Variants in TEX38 observed in about 807,000 individuals in gnomAD.
TEX38 encodes the protein testis-expressed protein 38.
Under a neutral mutation model 2.7 loss-of-function variants are expected in TEX38, and 5 were observed. The ratio of observed to expected loss-of-function variants is 1.86; its 90% CI spans 0.97 to 3.90. The LOEUF (loss-of-function observed/expected upper bound fraction) is 3.90. Among genes scored for constraint, TEX38 ranks in the 30% most tolerant of loss-of-function variants. TEX38 has a pLI of 0.00. For synonymous variants in TEX38, 110 were observed against 103.3 expected (o/e 1.06, Z -0.39); for missense variants, 218 against 247.9 (o/e 0.88, Z 0.81).
chr1:46,673,033 G>A lies in TEX38; in HGVS notation c.198G>A (p.Leu66=). The A allele has an allele frequency of 1.3e-6, 2 of 1,551,716 alleles. No individual in the cohort carries two copies. The highest frequency in any genetic ancestry group is 2.4e-5 in the South Asian group (2 of 84,058). Residue 66 remains leucine, a synonymous_variant, in exon 2 of 2, where the codon TTG becomes TTA. Coordinates refer to ENST00000334122, the MANE Select transcript of TEX38 (RefSeq NM_001145474.4). ...CCACATTCACCTACAGCCCATTGTT[G>A]TACTGGATTAACAAGCGACGGCGCT... ...RAATFTYSPL[L]YWINKRRRYG...
chr1:46,673,227 C>A lies in TEX38; in HGVS notation c.392C>A (p.Ala131Glu). 1 of 1,550,688 alleles carries A rather than the reference C, an allele frequency of 6.4e-7. No homozygotes were observed. Among genetic ancestry groups the A allele is most frequent in the Non-Finnish European group, 8.7e-7 (1 of 1,146,440 alleles). ...KAEAPAPLQP[A>E]LQLAPQQPQA... ...GAAGCCCCTGCTCCCCTGCAACCTGCACTGCAGCTGGCTCCACAGCAGCCC... is the reference window on the plus strand; with the variant it reads ...GAAGCCCCTGCTCCCCTGCAACCTGAACTGCAGCTGGCTCCACAGCAGCCC... Residue 131 changes from alanine (A) to glutamate (E), a missense_variant, in exon 2 of 2, where the codon GCA (alanine) becomes GAA (glutamate). By Grantham distance (107) the Ala-to-Glu change is moderately radical (BLOSUM62 -1). Coordinates refer to ENST00000334122, the MANE Select transcript of TEX38 (RefSeq NM_001145474.4).
At chr1:46,672,181 A>G (rs943265204) in intron 1 of TEX38, among the ~76,000 whole-genome samples, 7 of 152,198 alleles carry the variant, frequency 4.6e-5, no homozygotes, top group African/African-American at 1.7e-4. Flanking sequence ...TCAATAGCCC[A>G]GGACTATCAC....
chr1:46,669,725 A>G (rs1411442515), upstream of TEX38, among the ~76,000 whole-genome samples: 1 of 152,166 alleles, frequency 6.6e-6, no homozygotes, highest in Non-Finnish European at 1.5e-5. Flanking sequence ...GGGACACTTG[A>G]GCAGAGACCT....
intron 1 of TEX38, 81 bp from the exon 2 acceptor site, chr1:46,672,792 T>C: frequency 7.8e-7 from 1 of 1,288,488 alleles, no homozygotes. Flanking sequence ...ATGGGTTAAG[T>C]GAAAGAGGAA....
chr1:46,669,427 CTG>C (rs1255357546), upstream of TEX38: 3 of 456,106 alleles, frequency 6.6e-6, no homozygotes, highest in South Asian at 4.6e-5. Flanking sequence ...GCTGTTTTCT[CTG>C]TGGATCTGCA....
upstream of TEX38, among the ~76,000 whole-genome samples, chr1:46,670,492 T>A (rs796480521): frequency 2.4e-4 from 37 of 152,248 alleles, 1 homozygote; most frequent in African/African-American, 7.0e-4. Context: ...GGTATTTGGG[T>A]ATGAGTCTAA....
At chr1:46,670,336 GA>G (rs1208465383), upstream of TEX38, among the ~76,000 whole-genome samples, 2 of 152,204 alleles carry the variant, frequency 1.3e-5, no homozygotes, top group African/African-American at 4.8e-5. Flanking sequence ...TTTTTGGCCT[GA>G]ACAACCCGAA....
At position 46,672,857 on chromosome 1, in the gene TEX38, T is replaced by C. The variant is rs1390413720; in HGVS notation, c.38-16T>C. 1 of 1,538,960 alleles carries C rather than the reference T, an allele frequency of 6.5e-7. No individual in the cohort carries two copies. The highest frequency in any genetic ancestry group is 2.5e-5 in the East Asian group (1 of 40,702). ...CTATCAGCCAGCATGCCTCTTTTTCTTTCTTGCTGCCTTAGTGTGGGTCTC... is the reference window on the plus strand; with the variant it reads ...CTATCAGCCAGCATGCCTCTTTTTCCTTCTTGCTGCCTTAGTGTGGGTCTC... On this transcript the variant is annotated splice_polypyrimidine_tract_variant and intron_variant, in intron 1 of 1. Transcript: ENST00000334122.
In TEX38 at chr1:46,673,410, AG is replaced by A; in HGVS notation, c.577del (p.Glu193LysfsTer53). ...TTCCATTCCCTCCTGAATCTGGCCCAGGAAGACCATAGCTTCAATGCCAAGC... is the reference window on the plus strand; with the variant it reads ...TTCCATTCCCTCCTGAATCTGGCCCAGAAGACCATAGCTTCAATGCCAAGC... ...VLFHSLLNLA[Q>X]EDHSFNAKPF... is the part of the protein sequence containing the mutation. On this transcript the variant is annotated frameshift_variant, in exon 2 of 2. Coordinates refer to ENST00000334122, the MANE Select transcript of TEX38 (RefSeq NM_001145474.4). LOFTEE classifies it high-confidence loss of function. 6.4e-7 allele frequency: 1 copy of A among 1,551,944 alleles called. No individual in the cohort carries two copies. The highest frequency in any genetic ancestry group is 1.2e-5 in the South Asian group (1 of 84,052).
Position 46,672,934 on chromosome 1 carries a change from T to A in TEX38, c.99T>A (p.Ile33=), listed in dbSNP as rs1157904266. 6 of 1,551,592 alleles carry A rather than the reference T, an allele frequency of 3.9e-6. No homozygotes were observed. In the East Asian group the frequency reaches 1.5e-4, roughly 38 times the overall value. The change falls in exon 2 of 2, where the codon ATT becomes ATA. Residue 33 remains isoleucine, a synonymous_variant. Transcript: ENST00000334122. ...GLCSVITGGC[I]IFLHWRKNLR... is the part of the protein sequence containing the mutation. ...GTTCTGTGATAACTGGAGGGTGCAT[T>A]ATCTTTCTGCACTGGAGGAAGAACT...
chr1:46,669,210 A>G (rs1408552491), upstream of TEX38: 2 of 347,606 alleles, frequency 5.8e-6, no homozygotes, highest in Non-Finnish European at 1.1e-5. Context: ...TCTCTGGGAC[A>G]GTACTCATCA....
rs201766055 is a variant in TEX38 at position 46,673,325 on chromosome 1, C to G, written c.490C>G (p.Pro164Ala). 5.4e-4 allele frequency: 845 copies of G among 1,551,826 alleles called. 9 individuals are homozygous for G. The African/African-American group carries it at 0.01, about 19-fold the overall frequency. The change falls in exon 2 of 2, where the codon CCC becomes GCC. Residue 164 changes from proline to alanine, a missense_variant. Physicochemically the swap from Pro to Ala is conservative, Grantham distance 27. Coordinates refer to ENST00000334122, the MANE Select transcript of TEX38 (RefSeq NM_001145474.4). Reference sequence around the variant, plus strand: ...TGCCCCACCCTTGTGCAACCTACCCCCCCTGCTGAACCACTCTGTCTCCTA... The same window carrying G: ...TGCCCCACCCTTGTGCAACCTACCCGCCCTGCTGAACCACTCTGTCTCCTA... ...PFAPPLCNLPPLLNHSVSYPL... is the reference protein window; with the variant it reads ...PFAPPLCNLPALLNHSVSYPL...
At position 46,671,986 on chromosome 1, in the gene TEX38, A is replaced by G. The variant is rs963515211; in HGVS notation, c.37+15A>G. On this transcript the variant is annotated intron_variant, in intron 1 of 1. Coordinates refer to ENST00000334122, the MANE Select transcript of TEX38 (RefSeq NM_001145474.4). ...CTTCCCTGGGAGTAAGTGCTCCTCCAGTCCCTGTCACTGGACTTGTGCCTT... is the reference window on the plus strand; with the variant it reads ...CTTCCCTGGGAGTAAGTGCTCCTCCGGTCCCTGTCACTGGACTTGTGCCTT... 1.3e-6 allele frequency: 2 copies of G among 1,520,234 alleles called. No individual in the cohort carries two copies. The highest frequency in any genetic ancestry group is 2.8e-5 in the African/African-American group (2 of 72,418). The allele number at this position is 1,520,234 out of a possible 1,614,324, so 94.2% of individuals were successfully genotyped here. A position where few individuals can be genotyped will look rare whatever the true frequency, so the allele number is the denominator to read the frequency against.
In TEX38 at chr1:46,673,072, A is replaced by G; in HGVS notation, c.237A>G (p.Ala79=). The part of the protein sequence containing the change: ...INKRRRYGMN[A]AINTGPAPAV... ...AGCGACGGCGCTACGGCATGAATGC[A>G]GCCATCAACACGGGCCCTGCCCCTG... The change falls in exon 2 of 2, where the codon GCA becomes GCG. Residue 79 remains alanine (A), a synonymous_variant. Transcript: ENST00000334122. The G allele has an allele frequency of 1.3e-6, 2 of 1,551,774 alleles. No homozygotes were observed. The highest frequency in any genetic ancestry group is 1.7e-6 in the Non-Finnish European group (2 of 1,147,008).
In TEX38 at chr1:46,673,319, CT is replaced by C; in HGVS notation, c.485del (p.Leu162HisfsTer5). On this transcript the variant is annotated frameshift_variant, in exon 2 of 2. Coordinates refer to ENST00000334122, the MANE Select transcript of TEX38 (RefSeq NM_001145474.4). LOFTEE classifies it high-confidence loss of function. ...GCCCTTTGCCCCACCCTTGTGCAACCTACCCCCCCTGCTGAACCACTCTGTC... is the reference window on the plus strand; with the variant it reads ...GCCCTTTGCCCCACCCTTGTGCAACCACCCCCCCTGCTGAACCACTCTGTC... ...EVPFAPPLCN[L>X]PPLLNHSVSY... The C allele has an allele frequency of 6.4e-7, 1 of 1,551,810 alleles. No homozygotes were observed. Among genetic ancestry groups the C allele is most frequent in the Non-Finnish European group, 8.7e-7 (1 of 1,147,024 alleles).
At chr1:46,672,846 G>GCCT (rs775481083) in intron 1 of TEX38, 27 bp from the exon 2 acceptor site, 28 of 1,531,196 alleles carry the variant, frequency 1.8e-5, no homozygotes, top group Non-Finnish European at 2.6e-6. Context: ...CAGCCAGCAT[G>GCCT]CCTCTTTTTC....
Position 46,673,555 on chromosome 1 carries a change from T to G in TEX38, c.*99T>G. The G allele has an allele frequency of 1.0e-6, 1 of 958,516 alleles. No homozygotes were observed. Among genetic ancestry groups the G allele is most frequent in the East Asian group, 2.7e-5 (1 of 36,434 alleles). The allele number at this position is 958,516 out of a possible 1,614,324, so 59.4% of individuals were successfully genotyped here. ...GTATTGACAGAGGTCAGGACCCACC[T>G]GGATGTCATGCTATGAAACATTAAA... is the stretch of plus-strand genomic sequence containing the variant. On this transcript the variant is annotated 3_prime_UTR_variant, in exon 2 of 2. Transcript: ENST00000334122.
upstream of TEX38, among the ~76,000 whole-genome samples, chr1:46,670,063 C>T (rs1676561530): frequency 6.6e-6 from 1 of 152,106 alleles, no homozygotes. Flanking sequence ...TAATTTATTC[C>T]AGTTTGCCTA....
In TEX38 at chr1:46,673,321, A is replaced by T; in HGVS notation, c.486A>T (p.Leu162=). 1 of 1,549,988 alleles carries T rather than the reference A, an allele frequency of 6.5e-7. No individual in the cohort carries two copies. The highest frequency in any genetic ancestry group is 1.2e-5 in the South Asian group (1 of 83,956). Residue 162 remains leucine (L), a synonymous_variant, in exon 2 of 2, where the codon CTA becomes CTT. Coordinates refer to ENST00000334122, the MANE Select transcript of TEX38 (RefSeq NM_001145474.4). The stretch of plus-strand genomic sequence containing the variant: ...CCTTTGCCCCACCCTTGTGCAACCT[A>T]CCCCCCCTGCTGAACCACTCTGTCT... The part of the protein sequence containing the change: ...EVPFAPPLCN[L]PPLLNHSVSY...
Sources: gnomAD v4.1 joint callset for allele counts (sites outside exome capture counted in the v4.1 genomes callset) on GRCh38, gnomAD v4.1.1 for gene constraint, MANE v1.5 for transcripts, NCBI Gene and HGNC (gene_info 2026-07-23, HGNC 2026-07-21) for gene names.